Variants in SLC24A1 observed in about 807,000 individuals in gnomAD.
The protein encoded by SLC24A1 is solute carrier family 24 member 1, also known as sodium/potassium/calcium exchanger 1.
SLC24A1 carries 52 observed loss-of-function variants against 88.1 expected under a neutral mutation model. The observed-to-expected ratio is 0.59, with a 90% confidence interval of 0.47 to 0.74. SLC24A1 has a LOEUF of 0.74. Among genes scored for constraint, SLC24A1 ranks in the 30% least tolerant of loss-of-function variants. The pLI is 0.00. For synonymous variants in SLC24A1, 455 were observed against 498.0 expected (o/e 0.91, Z 1.15); for missense variants, 1,173 against 1,363.3 (o/e 0.86, Z 2.20).
At position 65,645,642 on chromosome 15, in the gene SLC24A1, C is replaced by T. The variant is rs191146484; in HGVS notation, c.2171C>T (p.Thr724Met). The part of the protein sequence containing the change: ...EEEPAKLPAV[T>M]VTPAPVPDIK... Reference sequence around the variant, plus strand: ...GAGCCAGCCAAGCTCCCTGCGGTCACGGTCACACCAGCCCCTGTTCCAGAC... The same window carrying T: ...GAGCCAGCCAAGCTCCCTGCGGTCATGGTCACACCAGCCCCTGTTCCAGAC... The change falls in exon 6 of 10, where the codon ACG becomes ATG. Residue 724 changes from threonine (T) to methionine (M), a missense_variant. By Grantham distance (81) the Thr-to-Met change is moderately conservative. Transcript: ENST00000261892. 1.0e-3 allele frequency: 1,621 copies of T among 1,577,496 alleles called. 3 individuals are homozygous for T. The highest frequency in any genetic ancestry group is 7.1e-4 in the Non-Finnish European group (826 of 1,161,520).
rs1026229256 is a variant in SLC24A1 at position 65,654,896 on chromosome 15, C to T, written c.*817C>T. The T allele has an allele frequency of 2.6e-6, 3 of 1,143,900 alleles. No individual in the cohort carries two copies. In the African/African-American group the frequency reaches 5.0e-5, roughly 19 times the overall value. 70.9% of individuals were successfully genotyped at this position (1,143,900 alleles called of 1,614,324 possible). On this transcript the variant is annotated 3_prime_UTR_variant, in exon 10 of 10. Coordinates refer to ENST00000261892, the MANE Select transcript of SLC24A1 (RefSeq NM_004727.3). ...TACAGGCGTCAGCCACCGCGCCTGG[C>T]CTATACCAGTATTTTCTAGTTTAAA...
intron 4 of SLC24A1, among the ~76,000 whole-genome samples, chr15:65,643,264 C>T (rs1485788454): frequency 1.3e-5 from 2 of 152,198 alleles, no homozygotes; most frequent in East Asian, 1.9e-4. Flanking sequence ...AAACCCAGGT[C>T]ATCAGGCTTC....
Position 65,654,984 on chromosome 15 carries a change from A to G in SLC24A1, c.*905A>G. 2.9e-6 allele frequency: 3 copies of G among 1,031,828 alleles called. No individual in the cohort carries two copies. Among genetic ancestry groups the G allele is most frequent in the Non-Finnish European group, 3.5e-6 (3 of 856,898 alleles). 63.9% of individuals were successfully genotyped at this position (1,031,828 alleles called of 1,614,324 possible). A position where few individuals can be genotyped will look rare whatever the true frequency, so the allele number is the denominator to read the frequency against. ...AAGTGAAATTTAAAAAGCAGCCTGA[A>G]AAATAAAAATTTATAATTTGCCCTT... is the stretch of plus-strand genomic sequence containing the variant. On this transcript the variant is annotated 3_prime_UTR_variant, in exon 10 of 10. Coordinates refer to ENST00000261892, the MANE Select transcript of SLC24A1 (RefSeq NM_004727.3).
chr15:65,646,677 C>T (rs897561434), intron 6 of SLC24A1, among the ~76,000 whole-genome samples: 1 of 152,192 alleles, frequency 6.6e-6, no homozygotes, highest in Non-Finnish European at 1.5e-5. Context: ...GTCTCCCCTA[C>T]AGAGGGAAGC....
downstream of SLC24A1, among the ~76,000 whole-genome samples, chr15:65,656,603 T>A (rs1289517407): frequency 6.6e-6 from 1 of 152,232 alleles, no homozygotes; most frequent in Non-Finnish European, 1.5e-5. Context: ...AGGCAGAATA[T>A]TCTGTATATA....
At chr15:65,628,677 T>C (rs2074601277) in intron 2 of SLC24A1, among the ~76,000 whole-genome samples, 1 of 152,246 alleles carries the variant, frequency 6.6e-6, no homozygotes, top group Non-Finnish European at 1.5e-5. Flanking sequence ...CCATTGATCA[T>C]GAATCACGAT....
At chr15:65,644,729 G>A (rs548563117) in intron 5 of SLC24A1, among the ~76,000 whole-genome samples, 57 of 152,318 alleles carry the variant, frequency 3.7e-4, no homozygotes, top group Middle Eastern at 3.4e-3. Flanking sequence ...TGACATGGCC[G>A]CTGGTCTGAG....
intron 2 of SLC24A1, among the ~76,000 whole-genome samples, chr15:65,634,753 A>AG (rs1401949073): frequency 6.7e-6 from 1 of 149,876 alleles, no homozygotes; most frequent in Non-Finnish European, 1.5e-5. Flanking sequence ...AAAAAAAAAA[A>AG]AAAAAGAAAA....
intron 2 of SLC24A1, among the ~76,000 whole-genome samples, chr15:65,613,604 C>A (rs914206619): frequency 4.6e-5 from 7 of 152,002 alleles, no homozygotes; most frequent in African/African-American, 1.7e-4. Context: ...CCAACCTCAA[C>A]CTCCCACGTA....
At chr15:65,660,472 GGGAATTCCTTCACTAAT>G (rs2075817278), downstream of SLC24A1, 1 of 544,932 alleles carries the variant, frequency 1.8e-6, no homozygotes, top group Non-Finnish European at 3.2e-6. Flanking sequence ...AAGCTGGCTA[GGGAATTCCTTCACTAAT>G]GATAATGTGT....
intron 7 of SLC24A1, 84 bp downstream of exon 7, chr15:65,651,026 G>C: frequency 8.4e-7 from 1 of 1,187,746 alleles, no homozygotes; most frequent in Middle Eastern, 1.9e-4. Context: ...ACACTCAAGA[G>C]GAGGAAGAGG....
rs2075664723 is a variant in SLC24A1 at position 65,655,835 on chromosome 15, C to T, written c.*1756C>T. On this transcript the variant is annotated 3_prime_UTR_variant, in exon 10 of 10. Coordinates refer to ENST00000261892, the MANE Select transcript of SLC24A1 (RefSeq NM_004727.3). ...TTTGGAAATAATTTTTATTAAATTT[C>T]AATAAACTGTGAATCCCAATGGTAT... is the stretch of plus-strand genomic sequence containing the variant. 1 of 984,264 alleles carries T rather than the reference C, an allele frequency of 1.0e-6. No homozygotes were observed. The allele number at this position is 984,264 out of a possible 1,614,324, so 61.0% of individuals were successfully genotyped here.
Position 65,653,911 on chromosome 15 carries a change from A to T in SLC24A1, c.3132A>T (p.Ala1044=). The part of the protein sequence containing the change: ...VPVSSNGLFC[A]IVLLFLMLLF... ...TCAGCAGCAATGGCTTGTTTTGTGC[A>T]ATTGTTTTGCTTTTTCTCATGCTTC... Residue 1044 remains alanine (A), a synonymous_variant, in exon 10 of 10, where the codon GCA becomes GCT. Transcript: ENST00000261892. 1 of 1,613,916 alleles carries T rather than the reference A, an allele frequency of 6.2e-7. No homozygotes were observed. Among genetic ancestry groups the T allele is most frequent in the Non-Finnish European group, 8.5e-7 (1 of 1,179,858 alleles).
In SLC24A1 at chr15:65,624,543, A is replaced by G; in HGVS notation, c.463A>G (p.Thr155Ala). ...PTSSRTLTYY[T>A]STSSRQIVKK... ...ATCCAGTAGAACACTGACTTACTAC[A>G]CCTCAACTTCAAGCAGACAAATAGT... The change falls in exon 2 of 10, where the codon ACC (threonine) becomes GCC (alanine). Residue 155 changes from threonine to alanine, a missense_variant. Thr to Ala is a moderately conservative substitution (Grantham distance 58). Transcript: ENST00000261892. 2 of 1,601,114 alleles carry G rather than the reference A, an allele frequency of 1.2e-6. No homozygotes were observed. Among genetic ancestry groups the G allele is most frequent in the South Asian group, 2.2e-5 (2 of 89,250 alleles).
At chr15:65,614,082 G>GA (rs891135535) in intron 2 of SLC24A1, among the ~76,000 whole-genome samples, 6 of 151,902 alleles carry the variant, frequency 3.9e-5, no homozygotes, top group Non-Finnish European at 4.4e-5. Context: ...TCTGTCTTCT[G>GA]AAAAAAAATT....
chr15:65,634,639 G>A (rs573002726), intron 2 of SLC24A1, among the ~76,000 whole-genome samples: 4 of 148,182 alleles, frequency 2.7e-5, no homozygotes, highest in Admixed American at 1.4e-4. Context: ...CTGAAATGTC[G>A]AAATATGAAA....
At position 65,624,830 on chromosome 15, in the gene SLC24A1, G is replaced by C. The variant is rs756319716; in HGVS notation, c.750G>C (p.Lys250Asn). 1.2e-6 allele frequency: 2 copies of C among 1,614,012 alleles called. No individual in the cohort carries two copies. The highest frequency in any genetic ancestry group is 1.1e-5 in the South Asian group (1 of 91,084). Residue 250 changes from lysine to asparagine, a missense_variant, in exon 2 of 10, where the codon AAG becomes AAC. Coordinates refer to ENST00000261892, the MANE Select transcript of SLC24A1 (RefSeq NM_004727.3). ...AGGAAACCACCCCAACCACTCTCAA[G>C]GGAATGTTTGATAGCACCCCAACTT... ...IMEETTPTTL[K>N]GMFDSTPTFL...
intron 4 of SLC24A1, chr15:65,644,210 C>G: frequency 1.7e-6 from 1 of 571,634 alleles, no homozygotes; most frequent in Non-Finnish European, 3.2e-6. Context: ...CACAGCCAGT[C>G]AGTGACAATG....
intron 4 of SLC24A1, among the ~76,000 whole-genome samples, chr15:65,640,764 A>T (rs537280158): frequency 7.7e-4 from 116 of 151,380 alleles, no homozygotes; most frequent in African/African-American, 2.7e-3. Context: ...CAGTTGTTTT[A>T]AAAAAAAATA....
Sources: gnomAD v4.1 joint callset for allele counts (sites outside exome capture counted in the v4.1 genomes callset) on GRCh38, gnomAD v4.1.1 for gene constraint, MANE v1.5 for transcripts, NCBI Gene and HGNC (gene_info 2026-07-23, HGNC 2026-07-21) for gene names.